The following FGF14 variants were observed in gnomAD, a reference collection of about 807,000 sequenced individuals.
FGF14 encodes fibroblast growth factor homologous factor 4.
A neutral mutation model predicts 25.5 loss-of-function variants in FGF14; 5 were observed. That is an observed-to-expected ratio of 0.20 (90% CI 0.10 to 0.41). The LOEUF is 0.41. Ranked by LOEUF, FGF14 falls within the 10% of genes least tolerant of loss-of-function variation. The pLI is 1.00. For synonymous variants in FGF14, 138 were observed against 118.3 expected (o/e 1.17, Z -1.08); for missense variants, 222 against 320.1 (o/e 0.69, Z 2.34).
intron 1 of FGF14, among the ~76,000 whole-genome samples, chr13:102,195,061 C>CTT (rs2049290380): frequency 6.6e-6 from 1 of 151,854 alleles, no homozygotes; most frequent in Non-Finnish European, 1.5e-5. Flanking sequence ...GCCATATAAA[C>CTT]AAATGGAAAT....
At chr13:101,981,948 G>T (rs562737315) in intron 1 of FGF14, among the ~76,000 whole-genome samples, 1 of 152,208 alleles carries the variant, frequency 6.6e-6, no homozygotes, top group South Asian at 2.1e-4. Context: ...AGCTACCATG[G>T]GCATTTACAC....
At chr13:101,779,928 T>C (rs1164217524) in intron 3 of FGF14, among the ~76,000 whole-genome samples, 3 of 152,188 alleles carry the variant, frequency 2.0e-5, no homozygotes, top group African/African-American at 7.2e-5. Flanking sequence ...AAGTTGTATC[T>C]TTTTATTTTC....
At chr13:102,165,805 T>TATAATA (rs142783245) in intron 1 of FGF14, among the ~76,000 whole-genome samples, 4,229 of 148,278 alleles carry the variant, frequency 0.029, 171 homozygotes, top group African/African-American at 0.09. Flanking sequence ...AAACTTAAAG[T>TATAATA]ATAATAATAA....
chr13:102,338,902 T>G (rs2056867948), intron 1 of FGF14, among the ~76,000 whole-genome samples: 1 of 151,378 alleles, frequency 6.6e-6, no homozygotes, highest in Non-Finnish European at 1.5e-5. Flanking sequence ...TCCCAGATAC[T>G]CGGGAGTCTG....
intron 1 of FGF14, among the ~76,000 whole-genome samples, chr13:102,101,614 A>G (rs1159776613): frequency 6.6e-6 from 1 of 152,210 alleles, no homozygotes; most frequent in African/African-American, 2.4e-5. Context: ...TGCAGTTCCA[A>G]AGAGTCTAAA....
intron 1 of FGF14, among the ~76,000 whole-genome samples, chr13:102,231,769 T>C (rs541383007): frequency 6.6e-6 from 1 of 152,290 alleles, no homozygotes; most frequent in East Asian, 1.9e-4. Context: ...ACTCCACCTC[T>C]TTCTGGCTGA....
intron 1 of FGF14, among the ~76,000 whole-genome samples, chr13:102,083,191 C>A (rs973563107): frequency 1.3e-5 from 2 of 152,126 alleles, no homozygotes; most frequent in African/African-American, 2.4e-5. Flanking sequence ...CTTACATGAC[C>A]ACCATTGCTA....
chr13:102,367,495 T>C (rs11616219), intron 1 of FGF14: 1 of 152,084 alleles, frequency 6.6e-6, no homozygotes, highest in Non-Finnish European at 1.5e-5. Context: ...ACCACACTGG[T>C]TACACAGGTC....
intron 3 of FGF14, among the ~76,000 whole-genome samples, chr13:101,842,169 G>T (rs1368371334): frequency 6.6e-6 from 1 of 151,804 alleles, no homozygotes; most frequent in Non-Finnish European, 1.5e-5. Flanking sequence ...GCTCCATATG[G>T]TGCCAAATTT....
chr13:102,122,339 A>G (rs1051159587), intron 1 of FGF14, among the ~76,000 whole-genome samples: 7 of 152,158 alleles, frequency 4.6e-5, no homozygotes, highest in Admixed American at 3.3e-4. Context: ...TCGAAATCCT[A>G]ATCACATCTC....
intron 1 of FGF14, among the ~76,000 whole-genome samples, chr13:101,915,759 T>A (rs1377018925): frequency 6.6e-6 from 1 of 152,130 alleles, no homozygotes; most frequent in African/African-American, 2.4e-5. Flanking sequence ...ATATTAGGGA[T>A]TTTTACTTCT....
intron 1 of FGF14, among the ~76,000 whole-genome samples, chr13:102,291,759 C>G (rs1156855276): frequency 6.6e-6 from 1 of 152,048 alleles, no homozygotes; most frequent in Non-Finnish European, 1.5e-5. Flanking sequence ...CTACGTACAC[C>G]TGAAAGGATT....
chr13:102,037,046 C>A (rs1292505381), intron 1 of FGF14, among the ~76,000 whole-genome samples: 1 of 152,064 alleles, frequency 6.6e-6, no homozygotes, highest in Non-Finnish European at 1.5e-5. Flanking sequence ...CCATGTTCAT[C>A]AGTGCACAAT....
At chr13:101,885,195 C>T (rs1733896986) in intron 1 of FGF14, among the ~76,000 whole-genome samples, 1 of 152,142 alleles carries the variant, frequency 6.6e-6, no homozygotes, top group Admixed American at 6.6e-5. Flanking sequence ...AGAACATTTG[C>T]ACTAGAGCAT....
chr13:102,047,860 T>C (rs9557794), intron 1 of FGF14, among the ~76,000 whole-genome samples: 1 of 151,864 alleles, frequency 6.6e-6, no homozygotes, highest in Admixed American at 6.6e-5. Flanking sequence ...ATAGTTTTTC[T>C]CAACATTAAA....
chr13:101,949,588 TTTAG>T (rs926284813), intron 1 of FGF14, among the ~76,000 whole-genome samples: 4 of 152,212 alleles, frequency 2.6e-5, no homozygotes, highest in African/African-American at 9.6e-5. Context: ...ATGCATGCCC[TTTAG>T]TTACTGTACT....
intron 1 of FGF14, among the ~76,000 whole-genome samples, chr13:101,976,495 A>T (rs895784553): frequency 6.6e-6 from 1 of 152,264 alleles, no homozygotes; most frequent in Admixed American, 6.5e-5. Context: ...TTTATTTTAG[A>T]TACAATGAGG....
At position 101,868,214 on chromosome 13, in the gene FGF14, G is replaced by A. The variant is rs537695900; in HGVS notation, c.408+511C>T. Among the ~76,000 whole-genome samples, 5 of 152,112 alleles carry A rather than the reference G, an allele frequency of 3.3e-5. No homozygotes were observed. The East Asian group carries it at 9.7e-4, about 29-fold the overall frequency. On this transcript the variant is annotated intron_variant, in intron 3 of 4. Coordinates refer to ENST00000376143, the MANE Select transcript of FGF14 (RefSeq NM_004115.4). ...TGTAAATAGAAAATATTTCAGAAGAGGTCATATGGCTAGAAAAGTGCTCAG... is the reference window on the plus strand; with the variant it reads ...TGTAAATAGAAAATATTTCAGAAGAAGTCATATGGCTAGAAAAGTGCTCAG...
chr13:101,792,960 A>C (rs146730232), intron 3 of FGF14, among the ~76,000 whole-genome samples: 30 of 152,266 alleles, frequency 2.0e-4, no homozygotes, highest in African/African-American at 7.2e-4. Flanking sequence ...TGGAATTATT[A>C]AATCAAGCTA....
Sources: allele counts gnomAD v4.1 joint callset (sites outside exome capture counted in the v4.1 genomes callset), GRCh38; gene constraint gnomAD v4.1.1; transcripts MANE v1.5; gene names NCBI Gene and HGNC (gene_info 2026-07-23, HGNC 2026-07-21).